Variants in SNX29 observed in about 807,000 individuals in gnomAD.
SNX29 encodes the protein sorting nexin-29.
In SNX29, 78 loss-of-function variants were observed where a neutral mutation model predicts 102.1. The ratio of observed to expected loss-of-function variants is 0.76; its 90% CI spans 0.64 to 0.92. SNX29 has a LOEUF of 0.92. Among genes scored for constraint, SNX29 ranks in the 40% least tolerant of loss-of-function variants. SNX29 has a pLI of 0.00. For synonymous variants in SNX29, 580 were observed against 414.5 expected, an observed-to-expected ratio of 1.40 and a Z score of -4.85; for missense variants, 1,280 against 1,061.7, an observed-to-expected ratio of 1.21 and a Z score of -2.86.
intron 18 of SNX29, among the ~76,000 whole-genome samples, chr16:12,462,854 G>A (rs1027746626): frequency 6.6e-6 from 1 of 152,222 alleles, no homozygotes; most frequent in Non-Finnish European, 1.5e-5. Context: ...ACATGGCTAA[G>A]GGGGGATCAT....
At chr16:12,537,506 G>T (rs927152946) in intron 20 of SNX29, among the ~76,000 whole-genome samples, 1 of 152,212 alleles carries the variant, frequency 6.6e-6, no homozygotes, top group Non-Finnish European at 1.5e-5. Context: ...AGATTTCACA[G>T]GCTTGTTGGG....
rs114063276 is a variant in SNX29 at position 12,247,322 on chromosome 16, T to C, written c.1679-30611T>C. On this transcript the variant is annotated intron_variant, in intron 14 of 20. Coordinates refer to ENST00000566228, the MANE Select transcript of SNX29 (RefSeq NM_032167.5). ...CAAGACCAGGAGTCCATGGCTTGCA[T>C]TTTTCGACAAAACTCTATTATCAGG... Among the ~76,000 whole-genome samples, 755 of 152,264 alleles carry C rather than the reference T, an allele frequency of 5.0e-3. 4 individuals are homozygous for C. Among genetic ancestry groups the C allele is most frequent in the African/African-American group, 0.017 (720 of 41,556 alleles).
chr16:12,082,337 G>A (rs1334341076), intron 11 of SNX29, among the ~76,000 whole-genome samples: 5 of 152,246 alleles, frequency 3.3e-5, no homozygotes, highest in South Asian at 2.1e-4. Context: ...AGTTCCTGCG[G>A]CCGGGGCTGA....
intron 18 of SNX29, among the ~76,000 whole-genome samples, chr16:12,445,836 G>A (rs2086023054): frequency 6.6e-6 from 1 of 152,148 alleles, no homozygotes; most frequent in South Asian, 2.1e-4. Context: ...ACGCTAGGAA[G>A]AAACTCCTGC....
At chr16:12,565,237 C>G (rs1031974771) in intron 20 of SNX29, among the ~76,000 whole-genome samples, 2 of 152,214 alleles carry the variant, frequency 1.3e-5, no homozygotes, top group African/African-American at 4.8e-5. Context: ...AGGCTGTTCT[C>G]AATCTATAAA....
chr16:12,559,255 G>C (rs1364473181), intron 20 of SNX29, among the ~76,000 whole-genome samples: 1 of 152,026 alleles, frequency 6.6e-6, no homozygotes, highest in African/African-American at 2.4e-5. Flanking sequence ...CACCGCCTGA[G>C]CTCTGCCTGT....
intron 14 of SNX29, among the ~76,000 whole-genome samples, chr16:12,237,688 C>G (rs931311383): frequency 6.6e-6 from 1 of 151,144 alleles, no homozygotes; most frequent in African/African-American, 2.4e-5. Context: ...GGATGGATCA[C>G]CTGAGGTCAG....
In SNX29 at chr16:12,189,787, G is replaced by A. The variant is rs548794489; in HGVS notation, c.1596-9814G>A. Among the ~76,000 whole-genome samples the A allele has an allele frequency of 5.3e-5, 8 of 151,888 alleles. No individual in the cohort carries two copies. In the South Asian group the frequency reaches 6.3e-4, roughly 12 times the overall value. ...TTTGATGCCCGGATCGTCTCAGAGC[G>A]TCCGAGCATCAAAACAGTGATAATA... On this transcript the variant is annotated intron_variant, in intron 13 of 20. Transcript: ENST00000566228.
intron 16 of SNX29, among the ~76,000 whole-genome samples, chr16:12,377,923 G>C (rs1043415653): frequency 4.6e-5 from 7 of 152,118 alleles, no homozygotes; most frequent in Admixed American, 3.9e-4. Context: ...TCATTTTCAG[G>C]CCTTGGCATG....
In SNX29 at chr16:12,415,645, TAGGATGTTACCTCCCACATCCAG is replaced by T. The variant is rs548207015; in HGVS notation, c.2037+12117_2037+12139del. Among the ~76,000 whole-genome samples, 141 of 152,258 alleles carry T rather than the reference TAGGATGTTACCTCCCACATCCAG, an allele frequency of 9.3e-4. 2 individuals are homozygous for T. The highest frequency in any genetic ancestry group is 1.7e-3 in the Non-Finnish European group (118 of 67,998). On this transcript the variant is annotated intron_variant, in intron 18 of 20. Transcript: ENST00000566228. Reference sequence around the variant, plus strand: ...TCCCACCTGATGATTGGGGCTGGTCTAGGATGTTACCTCCCACATCCAGGGGAGGAAGTGAGGCCTGGTGAGCG... The same window carrying T: ...TCCCACCTGATGATTGGGGCTGGTCTGGGAGGAAGTGAGGCCTGGTGAGCG...
chr16:12,218,547 A>G (rs1419292162), intron 14 of SNX29, among the ~76,000 whole-genome samples: 19 of 152,230 alleles, frequency 1.2e-4, no homozygotes, highest in Admixed American at 7.8e-4. Flanking sequence ...ACCCCAAAAT[A>G]TTTACCATCT....
chr16:12,491,142 C>G (rs561975689), intron 19 of SNX29, among the ~76,000 whole-genome samples: 1 of 152,364 alleles, frequency 6.6e-6, no homozygotes, highest in African/African-American at 2.4e-5. Flanking sequence ...GGTGTGACTA[C>G]TCAGTGTTGC....
chr16:12,388,401 T>A (rs1255096920), intron 16 of SNX29, among the ~76,000 whole-genome samples: 3 of 152,226 alleles, frequency 2.0e-5, no homozygotes, highest in African/African-American at 7.2e-5. Flanking sequence ...GCCAGGGGCC[T>A]CTTTTGATTC....
At chr16:12,130,149 A>C (rs1338370794) in intron 13 of SNX29, among the ~76,000 whole-genome samples, 1 of 149,372 alleles carries the variant, frequency 6.7e-6, no homozygotes. Context: ...ACAAAAAAAA[A>C]CCTGAGCACA....
chr16:12,139,450 G>T (rs568294460), intron 13 of SNX29, among the ~76,000 whole-genome samples: 1 of 152,314 alleles, frequency 6.6e-6, no homozygotes, highest in South Asian at 2.1e-4. Flanking sequence ...AGTCATATTG[G>T]CTAAATGAGG....
intron 19 of SNX29, among the ~76,000 whole-genome samples, chr16:12,519,035 A>C (rs538899098): frequency 5.9e-4 from 90 of 152,288 alleles, no homozygotes; most frequent in Non-Finnish European, 1.5e-5. Flanking sequence ...GACGGGGAGC[A>C]GGCTGTCCTG....
At chr16:12,523,935 G>A (rs2090197255) in intron 19 of SNX29, among the ~76,000 whole-genome samples, 1 of 152,110 alleles carries the variant, frequency 6.6e-6, no homozygotes, top group Non-Finnish European at 1.5e-5. Flanking sequence ...TGCCCGGGCT[G>A]GAGTGCAATG....
intron 14 of SNX29, among the ~76,000 whole-genome samples, chr16:12,265,698 CAAAAAAAAAA>C (rs67651482): frequency 4.8e-4 from 29 of 60,632 alleles, no homozygotes; most frequent in African/African-American, 1.8e-3. Flanking sequence ...TCAACTCTAC[CAAAAAAAAAA>C]AAAAAAAAAA....
rs530753163 is a variant in SNX29, at chr16:12,521,267, A to G, written c.2179-3435A>G. On this transcript the variant is annotated intron_variant, in intron 19 of 20. Coordinates refer to ENST00000566228, the MANE Select transcript of SNX29 (RefSeq NM_032167.5). ...CGCAAAAATTATTGAAAGAAATCAGATTTTTTTTTTAATTCCAATTGCTGC... is the reference window on the plus strand; with the variant it reads ...CGCAAAAATTATTGAAAGAAATCAGGTTTTTTTTTTAATTCCAATTGCTGC... Among the ~76,000 whole-genome samples the G allele has an allele frequency of 6.0e-5, 9 of 150,754 alleles. No homozygotes were observed. The East Asian group carries it at 1.8e-3, about 29-fold the overall frequency.
Sources: allele counts gnomAD v4.1 joint callset (sites outside exome capture counted in the v4.1 genomes callset), GRCh38; gene constraint gnomAD v4.1.1; transcripts MANE v1.5; gene names NCBI Gene and HGNC (gene_info 2026-07-23, HGNC 2026-07-21).